The following MGRN1 variants were observed in gnomAD, a reference collection of about 807,000 sequenced individuals.
MGRN1 encodes mahogunin ring finger 1.
A neutral mutation model predicts 69.2 loss-of-function variants in MGRN1; 29 were observed. The observed-to-expected ratio is 0.42, with a 90% CI of 0.31 to 0.57. The LOEUF (loss-of-function observed/expected upper bound fraction) is 0.57, where lower values mean the gene tolerates loss of function less well. Ranked by LOEUF, MGRN1 falls within the 20% of genes least tolerant of loss-of-function variation. The pLI is 0.15. For missense variants in MGRN1, 998 were observed against 796.2 expected (o/e 1.25, Z -3.05); for synonymous variants, 470 against 344.2 (o/e 1.37, Z -4.04).
rs2079419470 is a variant in MGRN1 at position 4,689,967 on chromosome 16, C to T, written c.*1059C>T. The T allele has an allele frequency of 6.6e-6, 1 of 152,122 alleles. No homozygotes were observed. Among genetic ancestry groups the T allele is most frequent in the Non-Finnish European group, 1.5e-5 (1 of 68,044 alleles). The allele number at this position is 152,122 out of a possible 1,614,324, so 9.4% of individuals were successfully genotyped here. ...TATTTTTAGTAGAGAAGGGATTTCA[C>T]CATGTTGGCCGGGCTGGTCTCAAAC... On this transcript the variant is annotated 3_prime_UTR_variant, in exon 17 of 17. Transcript: ENST00000262370.
In MGRN1 at chr16:4,690,437, G is replaced by A. The variant is rs190082241; in HGVS notation, c.*1529G>A. ...TGAGGCTCACGGTGGCTCCGAGCATGAGGTCCGCCTCCTGGGCGAGACCCA... is the reference window on the plus strand; with the variant it reads ...TGAGGCTCACGGTGGCTCCGAGCATAAGGTCCGCCTCCTGGGCGAGACCCA... On this transcript the variant is annotated 3_prime_UTR_variant, in exon 17 of 17. Transcript: ENST00000262370. 6 of 152,262 alleles carry A rather than the reference G, an allele frequency of 3.9e-5. No individual in the cohort carries two copies. Among genetic ancestry groups the A allele is most frequent in the Non-Finnish European group, 7.3e-5 (5 of 68,042 alleles). The allele number at this position is 152,262 out of a possible 1,614,324, so 9.4% of individuals were successfully genotyped here.
At chr16:4,679,840 C>T (rs989839397) in intron 11 of MGRN1, among the ~76,000 whole-genome samples, 192 bp from the exon 12 acceptor site, 4 of 152,108 alleles carry the variant, frequency 2.6e-5, no homozygotes, top group South Asian at 2.1e-4. Context: ...CGGGAGCTGC[C>T]GAGACGCACA....
chr16:4,642,077 C>G (rs895883829), intron 1 of MGRN1, among the ~76,000 whole-genome samples: 52 of 151,624 alleles, frequency 3.4e-4, no homozygotes, highest in Non-Finnish European at 6.0e-4. Context: ...GAGGGTCCAT[C>G]CGGTAACCCT....
rs79613493 is a variant in MGRN1 at position 4,644,305 on chromosome 16, G to GTTT, written c.89-6041_89-6039dup. Among the ~76,000 whole-genome samples the GTTT allele has an allele frequency of 4.4e-3, 475 of 107,574 alleles. 7 individuals are homozygous for GTTT. The highest frequency in any genetic ancestry group is 0.017 in the African/African-American group (450 of 26,516). 70.6% of individuals were successfully genotyped at this position (107,574 alleles called of 152,430 possible). A position where few individuals can be genotyped will look rare whatever the true frequency, so the allele number is the denominator to read the frequency against. On this transcript the variant is annotated intron_variant, in intron 1 of 16. Coordinates refer to ENST00000262370, the MANE Select transcript of MGRN1 (RefSeq NM_015246.4). ...CCGTGCTTGGACCCCTCAATTACCA[G>GTTT]TTTTTTTTTTTTTTTTTTTTTGATG... is the stretch of plus-strand genomic sequence containing the variant.
At position 4,683,832 on chromosome 16, in the gene MGRN1, T is replaced by C. The variant is rs1386517033; in HGVS notation, c.1529-11T>C. The C allele has an allele frequency of 6.2e-7, 1 of 1,611,700 alleles. No individual in the cohort carries two copies. The highest frequency in any genetic ancestry group is 1.3e-5 in the African/African-American group (1 of 74,970). On this transcript the variant is annotated splice_polypyrimidine_tract_variant and intron_variant, in intron 15 of 16. Transcript: ENST00000262370. Reference sequence around the variant, plus strand: ...TGCCTGTAGGTCCCTAACCTCACCCTCTGCCTGCAGGGACCCGAGCAGCTT... The same window carrying C: ...TGCCTGTAGGTCCCTAACCTCACCCCCTGCCTGCAGGGACCCGAGCAGCTT...
chr16:4,681,112 A>G lies in MGRN1; in HGVS notation c.1132-438A>G, dbSNP rs1273838353. Among the ~76,000 whole-genome samples, 3 of 152,204 alleles carry G rather than the reference A, an allele frequency of 2.0e-5. No individual in the cohort carries two copies. In the South Asian group the frequency reaches 6.2e-4, roughly 31 times the overall value. On this transcript the variant is annotated intron_variant, in intron 12 of 16. Coordinates refer to ENST00000262370, the MANE Select transcript of MGRN1 (RefSeq NM_015246.4). ...CAGGTCAGCCCCCAGAGGCCCGGGC[A>G]GGGCACAGCTCCCAACAGCTCAGCT... is the stretch of plus-strand genomic sequence containing the variant.
intron 7 of MGRN1, 82 bp from the exon 8 acceptor site, chr16:4,668,183 G>A: frequency 1.6e-6 from 2 of 1,230,854 alleles, no homozygotes; most frequent in Admixed American, 2.3e-5. Context: ...CTGGGGCAGG[G>A]TGGCCAACCC....
At chr16:4,629,478 C>A (rs537883276) in intron 1 of MGRN1, among the ~76,000 whole-genome samples, 1 of 152,028 alleles carries the variant, frequency 6.6e-6, no homozygotes, top group African/African-American at 2.4e-5. Flanking sequence ...TGGTGGCTCA[C>A]GCCTGTAATC....
At position 4,682,861 on chromosome 16, in the gene MGRN1, A is replaced by G; in HGVS notation, c.1397A>G (p.Asp466Gly). The part of the protein sequence containing the change: ...RSPSSPIHEE[D>G]EEKLSEDVDA... ...CCGTCTTCCCCCATCCACGAAGAGG[A>G]TGAGGAGAAGCTCTCCGAGGACGTG... The change falls in exon 14 of 17, where the codon GAT (aspartate) becomes GGT (glycine). Residue 466 changes from aspartate (D) to glycine (G), a missense_variant. Physicochemically the swap from Asp to Gly is moderately conservative, Grantham distance 94. Transcript: ENST00000262370. The G allele has an allele frequency of 6.2e-7, 1 of 1,608,128 alleles. No individual in the cohort carries two copies. Among genetic ancestry groups the G allele is most frequent in the African/African-American group, 1.3e-5 (1 of 74,738 alleles).
At chr16:4,628,366 TA>T (rs1464729795) in intron 1 of MGRN1, among the ~76,000 whole-genome samples, 1 of 127,408 alleles carries the variant, frequency 7.8e-6, no homozygotes, top group Non-Finnish European at 1.6e-5. Flanking sequence ...AGCTGGGCGA[TA>T]GAGTGTGACT....
At chr16:4,688,376 G>C in intron 16 of MGRN1, 1 of 1,001,708 alleles carries the variant, frequency 1.0e-6, no homozygotes, top group Non-Finnish European at 1.2e-6. Context: ...TTCTCACCCA[G>C]GGCCGCTCCC....
At chr16:4,658,870 G>C (rs926470467) in intron 5 of MGRN1, 5 of 152,184 alleles carry the variant, frequency 3.3e-5, no homozygotes, top group Admixed American at 2.6e-4. Flanking sequence ...GGTGGTATTT[G>C]CCTGTAGTCC....
chr16:4,677,367 A>C, intron 10 of MGRN1, 96 bp from the exon 11 acceptor site: 1 of 911,412 alleles, frequency 1.1e-6, no homozygotes, highest in Non-Finnish European at 1.6e-6. Flanking sequence ...CAGGACCCCT[A>C]TGGTGTGGGG....
intron 5 of MGRN1, chr16:4,664,507 T>C (rs1208408585): frequency 3.3e-6 from 2 of 602,648 alleles, no homozygotes; most frequent in Non-Finnish European, 6.0e-6. Context: ...ATGGCAGATT[T>C]TGTGTTGTAT....
chr16:4,644,860 C>G (rs1008270490), intron 1 of MGRN1, among the ~76,000 whole-genome samples: 2 of 152,148 alleles, frequency 1.3e-5, no homozygotes, highest in African/African-American at 4.8e-5. Flanking sequence ...TTCAGTCATG[C>G]AACCATTACC....
chr16:4,688,289 G>A, intron 16 of MGRN1: 1 of 986,638 alleles, frequency 1.0e-6, no homozygotes, highest in Non-Finnish European at 1.2e-6. Context: ...GCCACAGTCT[G>A]GGCATTGGGG....
intron 1 of MGRN1, among the ~76,000 whole-genome samples, chr16:4,628,708 C>G (rs1374250347): frequency 2.0e-5 from 3 of 152,116 alleles, no homozygotes; most frequent in Non-Finnish European, 4.4e-5. Flanking sequence ...CCACGCCCGG[C>G]TAATTTTTAA....
intron 9 of MGRN1, chr16:4,672,370 C>A: frequency 2.2e-6 from 1 of 456,734 alleles, no homozygotes; most frequent in South Asian, 1.5e-5. Flanking sequence ...AAAAGGCACA[C>A]TGACATGAGT....
chr16:4,687,946 G>T (rs1439433518), intron 16 of MGRN1: 6 of 985,614 alleles, frequency 6.1e-6, no homozygotes, highest in African/African-American at 1.7e-5. Flanking sequence ...GCACCTTTCA[G>T]ACGGCCCCGG....
Sources: allele counts gnomAD v4.1 joint callset (sites outside exome capture counted in the v4.1 genomes callset), GRCh38; gene constraint gnomAD v4.1.1; transcripts MANE v1.5; gene names NCBI Gene and HGNC (gene_info 2026-07-23, HGNC 2026-07-21).